The following OR5T1 variants were observed in gnomAD, a reference collection of about 807,000 sequenced individuals.
OR5T1 encodes olfactory receptor 5T1.
In OR5T1, 14 loss-of-function variants were observed where a neutral mutation model predicts 10.1. The observed-to-expected ratio is 1.39, with a 90% CI of 0.92 to 2.18. OR5T1 has a LOEUF of 2.18. Among genes scored for constraint, OR5T1 ranks in the 30% most tolerant of loss-of-function variants. The pLI, the probability that OR5T1 is intolerant of heterozygous loss-of-function variation, is 0.00. For missense variants in OR5T1, 461 were observed against 383.9 expected (o/e 1.20, Z -1.68); for synonymous variants, 166 against 141.2 (o/e 1.18, Z -1.24).
Position 56,276,468 on chromosome 11 carries a change from G to T in OR5T1, c.830G>T (p.Ser277Ile). The change falls in exon 3 of 3, where the codon AGC (serine) becomes ATC (isoleucine). Residue 277 changes from serine (S) to isoleucine (I), a missense_variant. Coordinates refer to ENST00000641665, the MANE Select transcript of OR5T1 (RefSeq NM_001004745.2). ...TTCATGTATGTGAGACCAAGTTCCA[G>T]CTACACTTCGGACAATGACATGATA... Reference protein sequence around the residue: ...ILFMYVRPSSSYTSDNDMIVS... With the variant: ...ILFMYVRPSSIYTSDNDMIVS... 1 of 1,614,042 alleles carries T rather than the reference G, an allele frequency of 6.2e-7. No homozygotes were observed. The highest frequency in any genetic ancestry group is 8.5e-7 in the Non-Finnish European group (1 of 1,179,960).
rs752335991 is a variant in OR5T1 at position 56,276,591 on chromosome 11, T to A, written c.953T>A (p.Val318Glu). The A allele has an allele frequency of 5.6e-6, 9 of 1,609,762 alleles. No individual in the cohort carries two copies. The South Asian group carries it at 8.9e-5, about 16-fold the overall frequency. ...AAGGAGGCAATCAAAAGATTGCTTG[T>A]GAGAAATTGGTTCATAAATAAGTTA... ...DVKEAIKRLL[V>E]RNWFINKL Residue 318 changes from valine (V) to glutamate (E), a missense_variant, in exon 3 of 3, where the codon GTG (valine) becomes GAG (glutamate). Transcript: ENST00000641665.
rs2134820439 is a variant in OR5T1 at position 56,276,590 on chromosome 11, G to T, written c.952G>T (p.Val318Leu). 6.2e-7 allele frequency: 1 copy of T among 1,610,188 alleles called. No individual in the cohort carries two copies. Among genetic ancestry groups the T allele is most frequent in the South Asian group, 1.1e-5 (1 of 90,388 alleles). ...AAAGGAGGCAATCAAAAGATTGCTTGTGAGAAATTGGTTCATAAATAAGTT... is the reference window on the plus strand; with the variant it reads ...AAAGGAGGCAATCAAAAGATTGCTTTTGAGAAATTGGTTCATAAATAAGTT... ...DVKEAIKRLL[V>L]RNWFINKL is the part of the protein sequence containing the mutation. Residue 318 changes from valine (V) to leucine (L), a missense_variant, in exon 3 of 3, where the codon GTG becomes TTG. Coordinates refer to ENST00000641665, the MANE Select transcript of OR5T1 (RefSeq NM_001004745.2).
rs570041595 is a variant in OR5T1, at chr11:56,274,746, A to G, written c.-161A>G. The G allele has an allele frequency of 8.6e-5, 13 of 152,008 alleles. No homozygotes were observed. Among genetic ancestry groups the G allele is most frequent in the East Asian group, 1.9e-4 (1 of 5,156 alleles). The allele number at this position is 152,008 out of a possible 1,614,324, so 9.4% of individuals were successfully genotyped here. On this transcript the variant is annotated 5_prime_UTR_variant, in exon 2 of 3. Coordinates refer to ENST00000641665, the MANE Select transcript of OR5T1 (RefSeq NM_001004745.2). ...CAGAATCAAATCTCTTGTATCCACCACCATTCTGTAAGTACTAATGCAACA... is the reference window on the plus strand; with the variant it reads ...CAGAATCAAATCTCTTGTATCCACCGCCATTCTGTAAGTACTAATGCAACA...
chr11:56,276,269 T>C lies in OR5T1; in HGVS notation c.631T>C (p.Phe211Leu), dbSNP rs1255424942. 4 of 1,614,016 alleles carry C rather than the reference T, an allele frequency of 2.5e-6. No individual in the cohort carries two copies. The highest frequency in any genetic ancestry group is 2.7e-5 in the African/African-American group (2 of 74,936). Residue 211 changes from phenylalanine (F) to leucine (L), a missense_variant, in exon 3 of 3, where the codon TTC becomes CTC. Transcript: ENST00000641665. ...CSDTHVIQLL[F>L]FYFVGSIEIV... ...TGACACTCACGTAATCCAGCTTCTATTCTTCTACTTTGTGGGCTCTATTGA... is the reference window on the plus strand; with the variant it reads ...TGACACTCACGTAATCCAGCTTCTACTCTTCTACTTTGTGGGCTCTATTGA...
rs756198071 is a variant in OR5T1, at chr11:56,276,353, A to G, written c.715A>G (p.Lys239Glu). The G allele has an allele frequency of 6.2e-6, 10 of 1,614,082 alleles. No homozygotes were observed. The highest frequency in any genetic ancestry group is 8.5e-6 in the Non-Finnish European group (10 of 1,180,012). The change falls in exon 3 of 3, where the codon AAG (lysine) becomes GAG (glutamate). Residue 239 changes from lysine to glutamate, a missense_variant. Transcript: ENST00000641665. ...TGGTTTTATTCTGTTGGCCATTCTG[A>G]AGATGCAGTCTGCTGAAGGGAGGAG... ...SYGFILLAIL[K>E]MQSAEGRRKV... is the part of the protein sequence containing the mutation.
Position 56,276,062 on chromosome 11 carries a change from C to T in OR5T1, c.424C>T (p.Leu142Phe), listed in dbSNP as rs1285455583. 6.2e-7 allele frequency: 1 copy of T among 1,614,230 alleles called. No homozygotes were observed. Among genetic ancestry groups the T allele is most frequent in the South Asian group, 1.1e-5 (1 of 91,084 alleles). The change falls in exon 3 of 3, where the codon CTC (leucine) becomes TTC (phenylalanine). Residue 142 changes from leucine (L) to phenylalanine (F), a missense_variant. Coordinates refer to ENST00000641665, the MANE Select transcript of OR5T1 (RefSeq NM_001004745.2). ...TCGCTATGTAGCCATCTACAACCCT[C>T]TCCTGTATTCAGTGAGCATGTCACC... ...YDRYVAIYNP[L>F]LYSVSMSPRV... is the part of the protein sequence containing the mutation.
In OR5T1 at chr11:56,276,448, G is replaced by C. The variant is rs145350610; in HGVS notation, c.810G>C (p.Met270Ile). ...VTIYHGTILF[M>I]YVRPSSSYTS... The stretch of plus-strand genomic sequence containing the variant: ...TTTATCATGGGACAATCCTCTTCAT[G>C]TATGTGAGACCAAGTTCCAGCTACA... Residue 270 changes from methionine (M) to isoleucine (I), a missense_variant, in exon 3 of 3, where the codon ATG (methionine) becomes ATC (isoleucine). Physicochemically the swap from Met to Ile is conservative, Grantham distance 10. Transcript: ENST00000641665. 13 of 1,613,998 alleles carry C rather than the reference G, an allele frequency of 8.1e-6. No individual in the cohort carries two copies. The African/African-American group carries it at 1.6e-4, about 20-fold the overall frequency.
In OR5T1 at chr11:56,276,486, A is replaced by T; in HGVS notation, c.848A>T (p.Asp283Val). ...AGTTCCAGCTACACTTCGGACAATG[A>T]CATGATAGTGTCAATATTTTATACC... Reference protein sequence around the residue: ...RPSSSYTSDNDMIVSIFYTIV... With the variant: ...RPSSSYTSDNVMIVSIFYTIV... Residue 283 changes from aspartate to valine, a missense_variant, in exon 3 of 3, where the codon GAC (aspartate) becomes GTC (valine). Asp to Val is a radical substitution (Grantham distance 152). Coordinates refer to ENST00000641665, the MANE Select transcript of OR5T1 (RefSeq NM_001004745.2). 6.2e-7 allele frequency: 1 copy of T among 1,614,110 alleles called. No individual in the cohort carries two copies. Among genetic ancestry groups the T allele is most frequent in the Non-Finnish European group, 8.5e-7 (1 of 1,179,970 alleles).
rs1201070482 is a variant in OR5T1, at chr11:56,276,078, G to T, written c.440G>T (p.Ser147Ile). 10 of 1,614,042 alleles carry T rather than the reference G, an allele frequency of 6.2e-6. No individual in the cohort carries two copies. In the Admixed American group the frequency reaches 1.7e-4, roughly 27 times the overall value. ...AIYNPLLYSV[S>I]MSPRVYVPLI... The stretch of plus-strand genomic sequence containing the variant: ...TACAACCCTCTCCTGTATTCAGTGA[G>T]CATGTCACCCAGAGTCTATGTGCCA... The change falls in exon 3 of 3, where the codon AGC (serine) becomes ATC (isoleucine). Residue 147 changes from serine (S) to isoleucine (I), a missense_variant. Coordinates refer to ENST00000641665, the MANE Select transcript of OR5T1 (RefSeq NM_001004745.2).
rs7126079 is a variant in OR5T1, at chr11:56,275,817, C to T, written c.179C>T (p.Pro60Leu). The T allele has an allele frequency of 8.2e-4, 1,324 of 1,612,880 alleles. 12 individuals carry two copies. In the African/African-American group the frequency reaches 0.016, roughly 20 times the overall value. ...TLIGNLGLVV[P>L]IIGDFWLHSP... is the part of the protein sequence containing the mutation. ...ATAGGCAATTTAGGGCTGGTTGTAC[C>T]GATCATTGGGGATTTCTGGCTTCAC... is the stretch of plus-strand genomic sequence containing the variant. The change falls in exon 3 of 3, where the codon CCG becomes CTG. Residue 60 changes from proline (P) to leucine (L), a missense_variant. Transcript: ENST00000641665.
Position 56,275,806 on chromosome 11 carries a change from G to A in OR5T1, c.168G>A (p.Gly56=), listed in dbSNP as rs267603000. The A allele has an allele frequency of 1.9e-6, 3 of 1,613,144 alleles. No individual in the cohort carries two copies. The highest frequency in any genetic ancestry group is 2.5e-6 in the Non-Finnish European group (3 of 1,179,358). The change falls in exon 3 of 3, where the codon GGG becomes GGA. Residue 56 remains glycine (G), a synonymous_variant. Transcript: ENST00000641665. ...IYLFTLIGNL[G]LVVPIIGDFW... is the part of the protein sequence containing the mutation. ...TATTCACTCTAATAGGCAATTTAGG[G>A]CTGGTTGTACCGATCATTGGGGATT...
Position 56,276,266 on chromosome 11 carries a change from C to T in OR5T1, c.628C>T (p.Leu210=), listed in dbSNP as rs755102337. Residue 210 remains leucine, a synonymous_variant, in exon 3 of 3, where the codon CTA becomes TTA. Coordinates refer to ENST00000641665, the MANE Select transcript of OR5T1 (RefSeq NM_001004745.2). ...SCSDTHVIQL[L]FFYFVGSIEI... ...TTCTGACACTCACGTAATCCAGCTT[C>T]TATTCTTCTACTTTGTGGGCTCTAT... is the stretch of plus-strand genomic sequence containing the variant. The T allele has an allele frequency of 1.9e-6, 3 of 1,614,014 alleles. No homozygotes were observed. The East Asian group carries it at 6.7e-5, about 36-fold the overall frequency.
In OR5T1 at chr11:56,276,547, T is replaced by C. The variant is rs1036949220; in HGVS notation, c.909T>C (p.Ser303=). 1.9e-6 allele frequency: 3 copies of C among 1,613,304 alleles called. No individual in the cohort carries two copies. Among genetic ancestry groups the C allele is most frequent in the Non-Finnish European group, 2.5e-6 (3 of 1,179,292 alleles). ...CCATGCTGAATCCCATCATCTACAGTTTGCGGAACAAAGATGTAAAGGAGG... is the reference window on the plus strand; with the variant it reads ...CCATGCTGAATCCCATCATCTACAGCTTGCGGAACAAAGATGTAAAGGAGG... ...VIPMLNPIIY[S]LRNKDVKEAI... Residue 303 remains serine (S), a synonymous_variant, in exon 3 of 3, where the codon AGT becomes AGC. Coordinates refer to ENST00000641665, the MANE Select transcript of OR5T1 (RefSeq NM_001004745.2).
chr11:56,275,747 G>T lies in OR5T1; in HGVS notation c.109G>T (p.Val37Phe). ...ISFTEEFDVQ[V>F]FLFLLFLAIY... The stretch of plus-strand genomic sequence containing the variant: ...CTTCACAGAAGAATTTGATGTGCAA[G>T]TCTTCCTATTTTTATTATTTTTAGC... The change falls in exon 3 of 3, where the codon GTC (valine) becomes TTC (phenylalanine). Residue 37 changes from valine (V) to phenylalanine (F), a missense_variant. Coordinates refer to ENST00000641665, the MANE Select transcript of OR5T1 (RefSeq NM_001004745.2). 6.2e-7 allele frequency: 1 copy of T among 1,611,184 alleles called. No homozygotes were observed. The highest frequency in any genetic ancestry group is 8.5e-7 in the Non-Finnish European group (1 of 1,177,494).
Position 56,275,649 on chromosome 11 carries a change from T to G in OR5T1, c.11T>G (p.Leu4Trp). 1 of 1,569,292 alleles carries G rather than the reference T, an allele frequency of 6.4e-7. No individual in the cohort carries two copies. The highest frequency in any genetic ancestry group is 8.6e-7 in the Non-Finnish European group (1 of 1,162,496). MSG[L>W]PSDMDLYKLQ... ...TAAACAATAGCTAAAATGTCAGGGT[T>G]GCCTTCAGATATGGATCTATACAAG... Residue 4 changes from leucine to tryptophan, a missense_variant, in exon 3 of 3, where the codon TTG (leucine) becomes TGG (tryptophan). Leu to Trp is a moderately conservative substitution (Grantham distance 61, BLOSUM62 -2). Coordinates refer to ENST00000641665, the MANE Select transcript of OR5T1 (RefSeq NM_001004745.2).
In OR5T1 at chr11:56,276,582, G is replaced by A; in HGVS notation, c.944G>A (p.Arg315Lys). 1 of 1,610,866 alleles carries A rather than the reference G, an allele frequency of 6.2e-7. No individual in the cohort carries two copies. Among genetic ancestry groups the A allele is most frequent in the Non-Finnish European group, 8.5e-7 (1 of 1,178,646 alleles). The change falls in exon 3 of 3, where the codon AGA becomes AAA. Residue 315 changes from arginine (R) to lysine (K), a missense_variant. By Grantham distance (26) the Arg-to-Lys change is conservative (BLOSUM62 2). Transcript: ENST00000641665. ...AAAGATGTAAAGGAGGCAATCAAAA[G>A]ATTGCTTGTGAGAAATTGGTTCATA... is the stretch of plus-strand genomic sequence containing the variant. ...RNKDVKEAIK[R>K]LLVRNWFINK... is the part of the protein sequence containing the mutation.
In OR5T1 at chr11:56,275,937, A is replaced by C. The variant is rs757934762; in HGVS notation, c.299A>C (p.Lys100Thr). 1 of 1,614,162 alleles carries C rather than the reference A, an allele frequency of 6.2e-7. No individual in the cohort carries two copies. The highest frequency in any genetic ancestry group is 2.2e-5 in the East Asian group (1 of 44,866). ...AAAATGTTGGTCAATTTCCTGGCAA[A>C]AAATAAATCTATTTCATTTCTTGGA... ...TPKMLVNFLA[K>T]NKSISFLGCA... is the part of the protein sequence containing the mutation. The change falls in exon 3 of 3, where the codon AAA becomes ACA. Residue 100 changes from lysine to threonine, a missense_variant. Coordinates refer to ENST00000641665, the MANE Select transcript of OR5T1 (RefSeq NM_001004745.2).
Position 56,275,706 on chromosome 11 carries a change from T to A in OR5T1, c.68T>A (p.Met23Lys). 1 of 1,608,306 alleles carries A rather than the reference T, an allele frequency of 6.2e-7. No individual in the cohort carries two copies. Among genetic ancestry groups the A allele is most frequent in the Admixed American group, 1.7e-5 (1 of 59,798 alleles). Reference sequence around the variant, plus strand: ...TTAAACAATTTTACTGAAGTCACCATGTTTATATTAATAAGCTTCACAGAA... The same window carrying A: ...TTAAACAATTTTACTGAAGTCACCAAGTTTATATTAATAAGCTTCACAGAA... ...LQLNNFTEVT[M>K]FILISFTEEF... The change falls in exon 3 of 3, where the codon ATG (methionine) becomes AAG (lysine). Residue 23 changes from methionine to lysine, a missense_variant. Met to Lys is a moderately conservative substitution (Grantham distance 95). Coordinates refer to ENST00000641665, the MANE Select transcript of OR5T1 (RefSeq NM_001004745.2).
rs1853956781 is a variant in OR5T1 at position 56,276,802 on chromosome 11, T to C, written c.*183T>C. ...TTAGAAATATCAATATATTGTATCA[T>C]GTATAAAATATGGCTTGTATTCATA... On this transcript the variant is annotated 3_prime_UTR_variant, in exon 3 of 3. Coordinates refer to ENST00000641665, the MANE Select transcript of OR5T1 (RefSeq NM_001004745.2). 1 of 582,784 alleles carries C rather than the reference T, an allele frequency of 1.7e-6. No individual in the cohort carries two copies. The highest frequency in any genetic ancestry group is 3.0e-6 in the Non-Finnish European group (1 of 332,462). 36.1% of individuals were successfully genotyped at this position (582,784 alleles called of 1,614,324 possible).
Sources: gnomAD v4.1 joint callset for allele counts on GRCh38, gnomAD v4.1.1 for gene constraint, MANE v1.5 for transcripts, NCBI Gene and HGNC (gene_info 2026-07-23, HGNC 2026-07-21) for gene names.